The following DENND1A variants were observed in gnomAD, a reference collection of about 807,000 sequenced individuals.
DENND1A encodes the protein DENN domain-containing protein 1A.
In DENND1A, 51 loss-of-function variants were observed where a neutral mutation model predicts 113.7. That is an observed-to-expected ratio of 0.45 (90% CI 0.36 to 0.57). The LOEUF (loss-of-function observed/expected upper bound fraction) is 0.57, where lower values mean the gene tolerates loss of function less well. Among genes scored for constraint, DENND1A ranks in the 20% least tolerant of loss-of-function variants. DENND1A has a pLI of 0.00. For synonymous variants in DENND1A, 565 were observed against 570.8 expected, an observed-to-expected ratio of 0.99 and a Z score of 0.14; for missense variants, 1,258 against 1,395.9, an observed-to-expected ratio of 0.90 and a Z score of 1.57.
At position 123,888,956 on chromosome 9, in the gene DENND1A, CTGTGTGTGTGTGTGTGTGTG is replaced by C. The variant is rs58270598; in HGVS notation, c.18-9955_18-9936del. On this transcript the variant is annotated intron_variant, in intron 1 of 23. Coordinates refer to ENST00000394215, the MANE Select transcript of DENND1A (RefSeq NM_001352964.2). ...CATCAGGTCAATACCGTGCTTTAAACTGTGTGTGTGTGTGTGTGTGTGTGTGTGTGTGTGTGTGTGTGTGT... is the reference window on the plus strand; with the variant it reads ...CATCAGGTCAATACCGTGCTTTAAACTGTGTGTGTGTGTGTGTGTGTGTGT... Among the ~76,000 whole-genome samples the C allele has an allele frequency of 2.0e-3, 258 of 131,174 alleles. 2 individuals carry two copies. In the East Asian group the frequency reaches 0.037, roughly 19 times the overall value. 86.1% of individuals were successfully genotyped at this position (131,174 alleles called of 152,430 possible).
intron 13 of DENND1A, among the ~76,000 whole-genome samples, chr9:123,549,336 G>A (rs1188444334): frequency 1.3e-5 from 2 of 152,132 alleles, no homozygotes; most frequent in Non-Finnish European, 2.9e-5. Context: ...AGCACAAGAT[G>A]GGGGCACAGA....
intron 13 of DENND1A, among the ~76,000 whole-genome samples, chr9:123,534,802 T>C (rs757278298): frequency 3.9e-5 from 6 of 152,272 alleles, no homozygotes; most frequent in Non-Finnish European, 7.3e-5. Flanking sequence ...TCCCCTGTTT[T>C]AGTCTTCATT....
chr9:123,686,639 A>C (rs2064828422), intron 5 of DENND1A, among the ~76,000 whole-genome samples: 1 of 152,234 alleles, frequency 6.6e-6, no homozygotes, highest in Non-Finnish European at 1.5e-5. Flanking sequence ...AGCTCAATTT[A>C]AAATGTTTTA....
At chr9:123,716,424 G>C (rs1034884087) in intron 5 of DENND1A, among the ~76,000 whole-genome samples, 1 of 152,160 alleles carries the variant, frequency 6.6e-6, no homozygotes, top group African/African-American at 2.4e-5. Flanking sequence ...GGACGAAGGA[G>C]GGGGGAACCA....
chr9:123,923,629 C>T (rs2134191268), intron 1 of DENND1A, among the ~76,000 whole-genome samples: 1 of 152,338 alleles, frequency 6.6e-6, no homozygotes, highest in South Asian at 2.1e-4. Context: ...CACTGCTCCT[C>T]TATTCTTGAA....
rs367684149 is a variant in DENND1A at position 123,402,502 on chromosome 9, A to G, written c.1631+900T>C. ...TTCTTTCCCATTTTCTGAGAGCCAG[A>G]CAGACATGGGGGCCTCCCCCTTTCC... On this transcript the variant is annotated intron_variant, in intron 21 of 23. Transcript: ENST00000394215. 1.1e-5 allele frequency: 6 copies of G among 534,798 alleles called. No individual in the cohort carries two copies. In the East Asian group the frequency reaches 2.7e-4, roughly 24 times the overall value. The allele number at this position is 534,798 out of a possible 1,614,324, so 33.1% of individuals were successfully genotyped here.
chr9:123,394,992 G>A lies in DENND1A; in HGVS notation c.1632-7134C>T, dbSNP rs539125641. The stretch of plus-strand genomic sequence containing the variant: ...CGTCATTCCACTGGCTACAGCCGTG[G>A]CTCCCTCATGGCTGAATGCCCAGGC... On this transcript the variant is annotated intron_variant, in intron 21 of 23. Coordinates refer to ENST00000394215, the MANE Select transcript of DENND1A (RefSeq NM_001352964.2). Among the ~76,000 whole-genome samples, 4 of 152,348 alleles carry A rather than the reference G, an allele frequency of 2.6e-5. No individual in the cohort carries two copies. The East Asian group carries it at 7.7e-4, about 29-fold the overall frequency.
At chr9:123,441,285 T>TTAC (rs373480137) in intron 18 of DENND1A, among the ~76,000 whole-genome samples, 55 of 152,360 alleles carry the variant, frequency 3.6e-4, no homozygotes, top group Middle Eastern at 3.4e-3. Context: ...TTAATTTGCA[T>TTAC]TACTTTAATT....
At chr9:123,539,514 T>C (rs2056111222) in intron 13 of DENND1A, among the ~76,000 whole-genome samples, 1 of 152,106 alleles carries the variant, frequency 6.6e-6, no homozygotes, top group Non-Finnish European at 1.5e-5. Flanking sequence ...GATAGTGGCA[T>C]GAAATCAAGA....
chr9:123,427,211 G>C (rs2045806608), intron 19 of DENND1A, among the ~76,000 whole-genome samples: 1 of 152,238 alleles, frequency 6.6e-6, no homozygotes, highest in African/African-American at 2.4e-5. Flanking sequence ...GATGGATTCT[G>C]TCCATCAGGA....
At chr9:123,821,818 A>G (rs1280143131) in intron 2 of DENND1A, among the ~76,000 whole-genome samples, 2 of 152,194 alleles carry the variant, frequency 1.3e-5, no homozygotes, top group African/African-American at 4.8e-5. Flanking sequence ...CTGTGGACAC[A>G]ATAATGCAGC....
chr9:123,454,929 CAAGCAA>C, intron 15 of DENND1A, 150 bp from the exon 16 acceptor site: 1 of 686,804 alleles, frequency 1.5e-6, no homozygotes, highest in Admixed American at 2.6e-5. Context: ...CTCCTGGGTT[CAAGCAA>C]TTCTCCTGCC....
chr9:123,424,157 C>T (rs964662527), intron 19 of DENND1A, among the ~76,000 whole-genome samples: 4 of 152,180 alleles, frequency 2.6e-5, no homozygotes, highest in African/African-American at 4.8e-5. Context: ...GCTGTACCCT[C>T]TTTCCTCCAA....
intron 2 of DENND1A, among the ~76,000 whole-genome samples, chr9:123,858,704 G>A (rs955606685): frequency 3.3e-5 from 5 of 152,136 alleles, no homozygotes; most frequent in Admixed American, 6.5e-5. Flanking sequence ...GGAAGTCAGG[G>A]CCAAAGACAC....
chr9:123,639,859 G>C (rs1276009433), intron 9 of DENND1A, among the ~76,000 whole-genome samples: 2 of 151,186 alleles, frequency 1.3e-5, no homozygotes, highest in Non-Finnish European at 1.5e-5. Flanking sequence ...GCCAATCACT[G>C]AGAACAGTGC....
intron 10 of DENND1A, among the ~76,000 whole-genome samples, chr9:123,612,413 G>A (rs1564815973): frequency 6.6e-6 from 1 of 152,274 alleles, no homozygotes; most frequent in East Asian, 1.9e-4. Flanking sequence ...AATGTTTGGG[G>A]AGAAAAACAC....
chr9:123,765,023 GA>G (rs2131550972), intron 4 of DENND1A, among the ~76,000 whole-genome samples: 1 of 152,340 alleles, frequency 6.6e-6, no homozygotes, highest in African/African-American at 2.4e-5. Context: ...AGAGCAGGGT[GA>G]ATCTGCAGAG....
At chr9:123,385,437 A>T (rs1440846002) in intron 22 of DENND1A, among the ~76,000 whole-genome samples, 1 of 152,188 alleles carries the variant, frequency 6.6e-6, no homozygotes, top group African/African-American at 2.4e-5. Flanking sequence ...TGCTGAGATT[A>T]CAGGTGTGAG....
At chr9:123,837,411 A>G (rs1841198428) in intron 2 of DENND1A, among the ~76,000 whole-genome samples, 1 of 152,186 alleles carries the variant, frequency 6.6e-6, no homozygotes, top group Admixed American at 6.5e-5. Flanking sequence ...GCATTAGCAT[A>G]ACCCAGAAAC....
Sources: gnomAD v4.1 joint callset for allele counts (sites outside exome capture counted in the v4.1 genomes callset) on GRCh38, gnomAD v4.1.1 for gene constraint, MANE v1.5 for transcripts, NCBI Gene and HGNC (gene_info 2026-07-23, HGNC 2026-07-21) for gene names.